The following CLEC16A variants were observed in gnomAD, a reference collection of about 807,000 sequenced individuals.
CLEC16A encodes protein CLEC16A.
Under a neutral mutation model 109.5 loss-of-function variants are expected in CLEC16A, and 51 were observed. That is an observed-to-expected ratio of 0.47 (90% CI 0.37 to 0.59). CLEC16A has a LOEUF of 0.59. Ranked by LOEUF, CLEC16A falls within the 20% of genes least tolerant of loss-of-function variation. The probability of loss-of-function intolerance (pLI) is 0.00; values close to 1 mark genes in which losing one functional copy is unlikely to be tolerated. For missense variants in CLEC16A, 1,339 were observed against 1,394.0 expected (o/e 0.96, Z 0.63); for synonymous variants, 673 against 564.2 (o/e 1.19, Z -2.73).
rs190394694 is a variant in CLEC16A, at chr16:10,974,366, A to C, written c.728+1305A>C. 6.6e-5 allele frequency among the ~76,000 whole-genome samples: 10 copies of C among 152,374 alleles called. No individual in the cohort carries two copies. The East Asian group carries it at 1.9e-3, about 29-fold the overall frequency. On this transcript the variant is annotated intron_variant, in intron 7 of 23. Transcript: ENST00000409790. ...ATAAATCTCTTTTAAAAAACAGATT[A>C]GGATGGTGGTTTTGTCCTCAAAGGG...
At chr16:11,075,811 A>G (rs2049338670) in intron 19 of CLEC16A, among the ~76,000 whole-genome samples, 3 of 152,040 alleles carry the variant, frequency 2.0e-5, no homozygotes, top group Non-Finnish European at 2.9e-5. Context: ...GACGCTGCCT[A>G]TCAGTGTTTA....
At chr16:11,055,145 G>A (rs2048144068) in intron 18 of CLEC16A, among the ~76,000 whole-genome samples, 1 of 152,172 alleles carries the variant, frequency 6.6e-6, no homozygotes, top group South Asian at 2.1e-4. Flanking sequence ...AGAAATGAGT[G>A]AGCACACATC....
In CLEC16A at chr16:11,126,165, C is replaced by G. The variant is rs199892624; in HGVS notation, c.2641+19C>G. 2.5e-6 allele frequency: 4 copies of G among 1,613,666 alleles called. No individual in the cohort carries two copies. Among genetic ancestry groups the G allele is most frequent in the Admixed American group, 1.7e-5 (1 of 59,974 alleles). ...GTGCCAGGTGAGCCAGCCCCCCGCC[C>G]TGCGCCACAGCTCGTTCATCATGGT... On this transcript the variant is annotated intron_variant, in intron 22 of 23. Coordinates refer to ENST00000409790, the MANE Select transcript of CLEC16A (RefSeq NM_015226.3).
chr16:11,159,183 C>T (rs181456529), intron 22 of CLEC16A, among the ~76,000 whole-genome samples: 33 of 152,338 alleles, frequency 2.2e-4, no homozygotes, highest in Admixed American at 5.9e-4. Flanking sequence ...GGAATCTGTG[C>T]TTTCTGATTT....
At chr16:11,151,927 C>G (rs943693852) in intron 22 of CLEC16A, among the ~76,000 whole-genome samples, 9 of 152,038 alleles carry the variant, frequency 5.9e-5, no homozygotes, top group African/African-American at 2.2e-4. Flanking sequence ...GTGAGGAACC[C>G]GGGAAGTGAG....
chr16:11,042,155 A>C, intron 14 of CLEC16A, 99 bp from the exon 15 acceptor site: 1 of 840,610 alleles, frequency 1.2e-6, no homozygotes. Flanking sequence ...CAGTTGGTCT[A>C]TCATGTGACC....
chr16:11,146,653 A>T (rs1478019030), intron 22 of CLEC16A, among the ~76,000 whole-genome samples: 1 of 150,972 alleles, frequency 6.6e-6, no homozygotes, highest in Non-Finnish European at 1.5e-5. Context: ...ACAGGGATAG[A>T]TAGAAGCCTG....
chr16:10,951,115 G>A (rs746127600), intron 1 of CLEC16A, among the ~76,000 whole-genome samples: 3 of 152,218 alleles, frequency 2.0e-5, no homozygotes, highest in Non-Finnish European at 4.4e-5. Flanking sequence ...ATTGAGGCCA[G>A]ATTTGTTTAC....
Position 11,174,196 on chromosome 16 carries a change from C to T in CLEC16A, c.2807-4139C>T, listed in dbSNP as rs780416481. The stretch of plus-strand genomic sequence containing the variant: ...GGACGCCGACGAGTGTTCAGCCTGT[C>T]GGAGGCCGACAGTCATGGCGGCCAC... On this transcript the variant is annotated intron_variant, in intron 23 of 23. Transcript: ENST00000409790. The surrounding 1 kb of genome is among the most constrained non-coding windows in gnomAD (Gnocchi z 4.7). The T allele has an allele frequency of 4.3e-6, 2 of 469,612 alleles. No individual in the cohort carries two copies. The highest frequency in any genetic ancestry group is 2.4e-5 in the Admixed American group (1 of 42,536). 29.1% of individuals were successfully genotyped at this position (469,612 alleles called of 1,614,324 possible). A position where few individuals can be genotyped will look rare whatever the true frequency, so the allele number is the denominator to read the frequency against.
intron 23 of CLEC16A, among the ~76,000 whole-genome samples, chr16:11,168,502 C>T (rs2068368402): frequency 6.6e-6 from 1 of 152,256 alleles, no homozygotes; most frequent in African/African-American, 2.4e-5. Flanking sequence ...GCCCAGCCTG[C>T]CTGTCTGGCT....
In CLEC16A at chr16:11,094,673, G is replaced by A. The variant is rs191007053; in HGVS notation, c.2117-25942G>A. 1.3e-3 allele frequency among the ~76,000 whole-genome samples: 192 copies of A among 152,324 alleles called. 1 individual carries two copies. Among genetic ancestry groups the A allele is most frequent in the Middle Eastern group, 6.8e-3 (2 of 294 alleles). ...CCTTTTTTCCTGTGGGGCCCTGCAT[G>A]CCTGCCTTGGCCCCACTGCCCGAAT... On this transcript the variant is annotated intron_variant, in intron 19 of 23. Transcript: ENST00000409790.
At chr16:11,066,438 C>G (rs893300072) in intron 19 of CLEC16A, 1 of 152,280 alleles carries the variant, frequency 6.6e-6, no homozygotes, top group African/African-American at 2.4e-5. Context: ...CAGGGCTGAT[C>G]CTGGAGGAGG....
intron 22 of CLEC16A, among the ~76,000 whole-genome samples, chr16:11,164,649 G>C (rs920310148): frequency 6.6e-5 from 10 of 152,236 alleles, no homozygotes; most frequent in African/African-American, 2.4e-4. Flanking sequence ...AAGCCTTTTA[G>C]GCTTTGCAGG....
intron 16 of CLEC16A, among the ~76,000 whole-genome samples, chr16:11,046,575 A>C (rs1187589934): frequency 6.6e-6 from 1 of 152,172 alleles, no homozygotes; most frequent in Non-Finnish European, 1.5e-5. Flanking sequence ...GCTCACACTG[A>C]CCCAACCCTG....
intron 11 of CLEC16A, among the ~76,000 whole-genome samples, chr16:11,007,219 C>T (rs1452849191): frequency 6.6e-6 from 1 of 152,192 alleles, no homozygotes; most frequent in African/African-American, 2.4e-5. Context: ...GTTGAAATTC[C>T]AGCAAGGGCA....
At chr16:11,116,745 A>G (rs377358897) in intron 19 of CLEC16A, among the ~76,000 whole-genome samples, 5 of 152,324 alleles carry the variant, frequency 3.3e-5, no homozygotes, top group African/African-American at 9.6e-5. Flanking sequence ...GCTTTGGCCA[A>G]AATTGATACC....
chr16:11,085,211 G>A (rs977640851), intron 19 of CLEC16A, among the ~76,000 whole-genome samples: 1 of 152,246 alleles, frequency 6.6e-6, no homozygotes, highest in Non-Finnish European at 1.5e-5. Flanking sequence ...GTTCCAGGAG[G>A]ATCACGGGAA....
At chr16:11,149,887 C>A (rs150340081) in intron 22 of CLEC16A, 1 of 151,398 alleles carries the variant, frequency 6.6e-6, no homozygotes, top group African/African-American at 2.5e-5. Context: ...TTTTTCCAGA[C>A]CCTTCTCTGT....
At chr16:11,013,403 C>A (rs1054871510) in intron 11 of CLEC16A, among the ~76,000 whole-genome samples, 10 of 151,782 alleles carry the variant, frequency 6.6e-5, no homozygotes, top group Admixed American at 6.6e-4. Flanking sequence ...CTGAGATGGG[C>A]GGATCATTTG....
Sources: gnomAD v4.1 joint callset for allele counts (sites outside exome capture counted in the v4.1 genomes callset) on GRCh38, gnomAD v4.1.1 for gene constraint, Gnocchi (gnomAD v3.1) non-coding constraint, MANE v1.5 for transcripts, NCBI Gene and HGNC (gene_info 2026-07-23, HGNC 2026-07-21) for gene names.